The following STK10 variants were observed in gnomAD, a reference collection of about 807,000 sequenced individuals.
STK10 encodes the protein serine/threonine kinase 10.
STK10 carries 78 observed loss-of-function variants against 113.8 expected under a neutral mutation model. That is an observed-to-expected ratio of 0.69 (90% confidence interval 0.57 to 0.83). STK10 has a LOEUF of 0.83. Ranked by LOEUF, STK10 falls within the 40% of genes least tolerant of loss-of-function variation. The pLI is 0.00. For missense variants in STK10, 1,109 were observed against 1,280.1 expected (o/e 0.87, Z 2.04); for synonymous variants, 465 against 494.7 (o/e 0.94, Z 0.80).
intron 3 of STK10, among the ~76,000 whole-genome samples, chr5:172,126,318 G>A (rs375842407): frequency 3.9e-5 from 6 of 152,262 alleles, no homozygotes; most frequent in South Asian, 4.1e-4. Flanking sequence ...TAATCCCAGC[G>A]CTTTGGGAGG....
rs1561801949 is a variant in STK10, at chr5:172,087,630, T to TTTTA, written c.1685+2601_1685+2602insTAAA. 4.4e-5 allele frequency among the ~76,000 whole-genome samples: 6 copies of TTTTA among 135,172 alleles called. 1 individual carries two copies. The highest frequency in any genetic ancestry group is 1.8e-4 in the African/African-American group (6 of 32,710). The allele number at this position is 135,172 out of a possible 152,430, so 88.7% of individuals were successfully genotyped here. ...AAATTTATTTACTTATTTATTTTTT[T>TTTTA]TTTTTTTTTGAGACGGAGTCTCGCT... is the stretch of plus-strand genomic sequence containing the variant. On this transcript the variant is annotated intron_variant, in intron 10 of 18. Coordinates refer to ENST00000176763, the MANE Select transcript of STK10 (RefSeq NM_005990.4).
At chr5:172,145,294 G>A (rs961777954) in intron 2 of STK10, among the ~76,000 whole-genome samples, 23 of 152,228 alleles carry the variant, frequency 1.5e-4, no homozygotes, top group African/African-American at 4.8e-4. Flanking sequence ...GAGGTCAGGA[G>A]ATGGACTCAC....
At chr5:172,128,753 C>T (rs756082430) in intron 2 of STK10, among the ~76,000 whole-genome samples, 7 of 152,234 alleles carry the variant, frequency 4.6e-5, no homozygotes, top group Non-Finnish European at 8.8e-5. Context: ...GAAGTTCCTT[C>T]AACCCAGCTC....
In STK10 at chr5:172,122,220, T is replaced by A. The variant is rs189812307; in HGVS notation, c.371-4590A>T. Among the ~76,000 whole-genome samples, 16 of 152,244 alleles carry A rather than the reference T, an allele frequency of 1.1e-4. No individual in the cohort carries two copies. In the East Asian group the frequency reaches 2.7e-3, roughly 26 times the overall value. On this transcript the variant is annotated intron_variant, in intron 3 of 18. Coordinates refer to ENST00000176763, the MANE Select transcript of STK10 (RefSeq NM_005990.4). ...AGGTATAATTTACATATATAAAAAATTCACTTTTTTAAGGTATACAGTTTT... is the reference window on the plus strand; with the variant it reads ...AGGTATAATTTACATATATAAAAAAATCACTTTTTTAAGGTATACAGTTTT...
chr5:172,064,455 G>T (rs1325395252), intron 13 of STK10: 2 of 539,560 alleles, frequency 3.7e-6, no homozygotes, highest in Non-Finnish European at 6.7e-6. Context: ...AACAAGGTAG[G>T]AGGTGCTAAG....
At chr5:172,185,108 A>G (rs1770930435) in intron 1 of STK10, among the ~76,000 whole-genome samples, 1 of 152,132 alleles carries the variant, frequency 6.6e-6, no homozygotes, top group East Asian at 1.9e-4. Flanking sequence ...AGGAAACACA[A>G]CTGAAAATGA....
intron 3 of STK10, among the ~76,000 whole-genome samples, chr5:172,123,800 G>A (rs1769565213): frequency 6.6e-6 from 1 of 152,068 alleles, no homozygotes; most frequent in Non-Finnish European, 1.5e-5. Context: ...ATTCAGATGT[G>A]ATGGCTGGAG....
chr5:172,185,330 G>A (rs1169783105), intron 1 of STK10, among the ~76,000 whole-genome samples: 1 of 151,950 alleles, frequency 6.6e-6, no homozygotes, highest in Non-Finnish European at 1.5e-5. Flanking sequence ...GTGCAGTGGC[G>A]CTATCTCAGC....
At chr5:172,159,655 C>T (rs907783930) in intron 1 of STK10, among the ~76,000 whole-genome samples, 2 of 151,196 alleles carry the variant, frequency 1.3e-5, no homozygotes, top group East Asian at 3.9e-4. Flanking sequence ...AACCTCATTT[C>T]TACTAAAATA....
chr5:172,118,878 C>CAAAAAAAAAAAAAAAAAA (rs3028101), intron 3 of STK10, among the ~76,000 whole-genome samples: 3 of 71,304 alleles, frequency 4.2e-5, no homozygotes, highest in African/African-American at 1.0e-4. Flanking sequence ...GACTCAGTCT[C>CAAAAAAAAAAAAAAAAAA]AAAAAAAAAA....
intron 12 of STK10, among the ~76,000 whole-genome samples, chr5:172,073,215 C>T (rs1220590628): frequency 5.9e-5 from 9 of 151,960 alleles, no homozygotes; most frequent in South Asian, 2.1e-4. Context: ...AGTAGTGGTG[C>T]GATCTTGGCT....
At chr5:172,156,846 G>A (rs1169560166) in intron 1 of STK10, 58 bp from the exon 2 acceptor site, 1 of 1,566,178 alleles carries the variant, frequency 6.4e-7, no homozygotes, top group Non-Finnish European at 8.7e-7. Context: ...ACTGACCTTT[G>A]GACGTGAGCC....
intron 3 of STK10, among the ~76,000 whole-genome samples, chr5:172,119,330 T>C (rs3111486): frequency 0.37 from 55,984 of 151,968 alleles, 12,416 homozygotes; most frequent in African/African-American, 0.63. Context: ...CTTCGGGCCA[T>C]GCTGTGGAGG....
At chr5:172,059,975 G>A (rs1767898067) in intron 14 of STK10, among the ~76,000 whole-genome samples, 3 of 152,136 alleles carry the variant, frequency 2.0e-5, no homozygotes, top group East Asian at 1.9e-4. Context: ...TGATCTAAAC[G>A]TTTGTGTCCC....
chr5:172,110,507 G>A (rs967846795), intron 4 of STK10, among the ~76,000 whole-genome samples: 3 of 152,154 alleles, frequency 2.0e-5, no homozygotes, highest in African/African-American at 7.2e-5. Flanking sequence ...GAAGAACACA[G>A]TGCTGGGGTG....
At chr5:172,143,527 A>G (rs115221719) in intron 2 of STK10, among the ~76,000 whole-genome samples, 104 of 152,330 alleles carry the variant, frequency 6.8e-4, no homozygotes, top group Non-Finnish European at 1.3e-3. Context: ...AAAGGTGCTC[A>G]ATAAATAAAT....
intron 12 of STK10, among the ~76,000 whole-genome samples, chr5:172,071,362 A>AAG (rs1768179110): frequency 6.7e-6 from 1 of 149,380 alleles, no homozygotes; most frequent in African/African-American, 2.4e-5. Flanking sequence ...AAAAAAAAAA[A>AAG]ATGACCAGGT....
intron 18 of STK10, among the ~76,000 whole-genome samples, chr5:172,047,499 A>G (rs1250059740): frequency 6.6e-6 from 1 of 152,206 alleles, no homozygotes; most frequent in African/African-American, 2.4e-5. Context: ...TCAAGTATGG[A>G]AAGTCCCAGC....
chr5:172,110,467 G>A (rs1200070282), intron 4 of STK10, among the ~76,000 whole-genome samples: 1 of 152,210 alleles, frequency 6.6e-6, no homozygotes, highest in African/African-American at 2.4e-5. Context: ...GCCTGGCAGC[G>A]AGAAGGGCCC....
Sources: allele counts gnomAD v4.1 joint callset (sites outside exome capture counted in the v4.1 genomes callset), GRCh38; gene constraint gnomAD v4.1.1; transcripts MANE v1.5; gene names NCBI Gene and HGNC (gene_info 2026-07-23, HGNC 2026-07-21).